Variants in KCNQ4 observed in about 807,000 individuals in gnomAD.
KCNQ4 encodes potassium voltage-gated channel subfamily KQT member 4.
Under a neutral mutation model 72.6 loss-of-function variants are expected in KCNQ4, and 31 were observed. The observed-to-expected ratio is 0.43, with a 90% CI of 0.32 to 0.58. The LOEUF is 0.58. Ranked by LOEUF, KCNQ4 falls within the 20% of genes least tolerant of loss-of-function variation. KCNQ4 has a pLI of 0.08. For missense variants in KCNQ4, 869 were observed against 962.6 expected, an observed-to-expected ratio of 0.90 and a Z score of 1.29; for synonymous variants, 405 against 403.7, an observed-to-expected ratio of 1.00 and a Z score of -0.04.
chr1:40,818,373 C>G, intron 3 of KCNQ4, 83 bp downstream of exon 3: 2 of 1,596,850 alleles, frequency 1.3e-6, no homozygotes, highest in Non-Finnish European at 1.7e-6. Context: ...GACTCTGACC[C>G]TGGAGACCCG....
At chr1:40,837,617 G>A (rs780907049) in intron 12 of KCNQ4, 48 bp from the exon 13 acceptor site, 42 of 1,594,656 alleles carry the variant, frequency 2.6e-5, no homozygotes, top group Admixed American at 7.0e-5. Context: ...CTTGTGGAAG[G>A]GAGGGACGGC....
At position 40,817,957 on chromosome 1, in the gene KCNQ4, G is replaced by T. The variant is rs920335247; in HGVS notation, c.406-207G>T. ...CGATCAGTTCATGGGGACCGGAAGG[G>T]GAGGACACACTAGGGCTTTTAGTCT... On this transcript the variant is annotated intron_variant, in intron 2 of 13. Coordinates refer to ENST00000347132, the MANE Select transcript of KCNQ4 (RefSeq NM_004700.4). The surrounding 1 kb of genome is among the most constrained non-coding windows in gnomAD (Gnocchi z 5.5). Among the ~76,000 whole-genome samples, 1 of 152,176 alleles carries T rather than the reference G, an allele frequency of 6.6e-6. No homozygotes were observed. The highest frequency in any genetic ancestry group is 2.4e-5 in the African/African-American group (1 of 41,426).
intron 1 of KCNQ4, among the ~76,000 whole-genome samples, chr1:40,806,459 G>T (rs1309465350): frequency 6.6e-6 from 1 of 152,228 alleles, no homozygotes. Flanking sequence ...CAGGTAGGCA[G>T]GCTGGCACGG....
chr1:40,814,046 C>CTTTTTTTTTTTTTTTTT, intron 1 of KCNQ4, among the ~76,000 whole-genome samples: 1 of 52,708 alleles, frequency 1.9e-5, no homozygotes, highest in Non-Finnish European at 3.3e-5. Flanking sequence ...TGCGCCCGGC[C>CTTTTTTTTTTTTTTTTT]TTTTTTTTTT....
In KCNQ4 at chr1:40,784,454, G is replaced by C; in HGVS notation, c.314+47G>C. ...CTTCCGCGTTTCCCCGCGCAAGCCT[G>C]GCCTCCCGGGGCACGGCCGCCCCGC... is the stretch of plus-strand genomic sequence containing the variant. On this transcript the variant is annotated intron_variant, in intron 1 of 13. Coordinates refer to ENST00000347132, the MANE Select transcript of KCNQ4 (RefSeq NM_004700.4). This position sits in a 1 kb window ranked among gnomAD's most constrained non-coding sequence, Gnocchi z 4.1. 1 of 1,574,514 alleles carries C rather than the reference G, an allele frequency of 6.4e-7. No individual in the cohort carries two copies. The highest frequency in any genetic ancestry group is 8.7e-7 in the Non-Finnish European group (1 of 1,156,028).
intron 10 of KCNQ4, among the ~76,000 whole-genome samples, chr1:40,832,250 C>A (rs548549691): frequency 1.3e-5 from 2 of 152,316 alleles, no homozygotes; most frequent in Admixed American, 1.3e-4. Flanking sequence ...GACAGCTCCC[C>A]CTTTGGCCTT....
At chr1:40,815,739 G>A (rs1255875659) in intron 1 of KCNQ4, among the ~76,000 whole-genome samples, 1 of 152,146 alleles carries the variant, frequency 6.6e-6, no homozygotes, top group Non-Finnish European at 1.5e-5. Context: ...CCCTGTCCAG[G>A]AGGTGTAAGT....
At chr1:40,787,793 T>G (rs1164730773) in intron 1 of KCNQ4, among the ~76,000 whole-genome samples, 1 of 152,202 alleles carries the variant, frequency 6.6e-6, no homozygotes, top group African/African-American at 2.4e-5. Context: ...CCCATCCTGC[T>G]CGCTGAGCCC....
At chr1:40,802,853 C>T (rs74927591) in intron 1 of KCNQ4, among the ~76,000 whole-genome samples, 16,215 of 152,190 alleles carry the variant, frequency 0.11, 1,527 homozygotes, top group East Asian at 0.48. Context: ...ATTAGAAAGA[C>T]GAAGAAACTG....
chr1:40,818,744 G>A, intron 4 of KCNQ4, 64 bp downstream of exon 4: 3 of 1,510,484 alleles, frequency 2.0e-6, no homozygotes, highest in East Asian at 4.9e-5. Context: ...AGAGCGGGCA[G>A]GGCGGAGAGG....
At chr1:40,800,421 A>G (rs1647538959) in intron 1 of KCNQ4, among the ~76,000 whole-genome samples, 1 of 152,218 alleles carries the variant, frequency 6.6e-6, no homozygotes, top group Admixed American at 6.5e-5. Flanking sequence ...ATTTTATTTA[A>G]AAGTTTGTTA....
chr1:40,814,324 G>A (rs898620901), intron 1 of KCNQ4, among the ~76,000 whole-genome samples: 7 of 152,080 alleles, frequency 4.6e-5, no homozygotes, highest in African/African-American at 9.7e-5. Flanking sequence ...AAAGTGCTGG[G>A]ATTACAGGCA....
Position 40,794,864 on chromosome 1 carries a change from AG to A in KCNQ4, c.314+10460del, listed in dbSNP as rs1647363535. Reference sequence around the variant, plus strand: ...CCCCACTGAGCTGTGGAGCCAGAAGAGGGAGGGGTCTGGTAGGGACAGAGGG... The same window carrying A: ...CCCCACTGAGCTGTGGAGCCAGAAGAGGAGGGGTCTGGTAGGGACAGAGGG... On this transcript the variant is annotated intron_variant, in intron 1 of 13. Coordinates refer to ENST00000347132, the MANE Select transcript of KCNQ4 (RefSeq NM_004700.4). The surrounding 1 kb of genome is among the most constrained non-coding windows in gnomAD (Gnocchi z 4.2). Among the ~76,000 whole-genome samples the A allele has an allele frequency of 6.7e-6, 1 of 149,168 alleles. No homozygotes were observed. Among genetic ancestry groups the A allele is most frequent in the African/African-American group, 2.5e-5 (1 of 40,564 alleles).
At position 40,838,917 on chromosome 1, in the gene KCNQ4, C is replaced by T. The variant is rs1341640193; in HGVS notation, c.*394C>T. On this transcript the variant is annotated 3_prime_UTR_variant, in exon 14 of 14. Transcript: ENST00000347132. ...AAGGTGAGGTCTCTGGCCCACCCTT[C>T]GGACACAGCAGGGAAGCCCTCCCGC... The T allele has an allele frequency of 6.1e-6, 2 of 328,882 alleles. No homozygotes were observed. The highest frequency in any genetic ancestry group is 1.2e-5 in the Non-Finnish European group (2 of 170,186). 20.4% of individuals were successfully genotyped at this position (328,882 alleles called of 1,614,324 possible).
At chr1:40,832,823 C>G (rs1008754852) in intron 10 of KCNQ4, among the ~76,000 whole-genome samples, 191 bp from the exon 11 acceptor site, 8 of 152,100 alleles carry the variant, frequency 5.3e-5, no homozygotes, top group South Asian at 2.1e-4. Context: ...GGCAGATGGG[C>G]ATGCAACACA....
At position 40,819,127 on chromosome 1, in the gene KCNQ4, GGGGTGA is replaced by G. The variant is rs1454915372; in HGVS notation, c.709-214_709-209del. On this transcript the variant is annotated intron_variant, in intron 4 of 13. Coordinates refer to ENST00000347132, the MANE Select transcript of KCNQ4 (RefSeq NM_004700.4). ...TGGAACCTGGAGACTCAAGGCAGGCGGGGTGAGGGTGGGGGTGGGAATGGGGGTCGG... is the reference window on the plus strand; with the variant it reads ...TGGAACCTGGAGACTCAAGGCAGGCGGGGTGGGGGTGGGAATGGGGGTCGG... The G allele has an allele frequency of 5.3e-6, 3 of 561,332 alleles. No individual in the cohort carries two copies. In the African/African-American group the frequency reaches 5.8e-5, roughly 11 times the overall value. 34.8% of individuals were successfully genotyped at this position (561,332 alleles called of 1,614,324 possible). A position where few individuals can be genotyped will look rare whatever the true frequency, so the allele number is the denominator to read the frequency against.
intron 1 of KCNQ4, among the ~76,000 whole-genome samples, chr1:40,806,582 G>A (rs970941838): frequency 3.9e-5 from 6 of 152,208 alleles, no homozygotes; most frequent in East Asian, 3.8e-4. Context: ...TTCATGTCCC[G>A]TGGGACAGAA....
chr1:40,825,123 G>T (rs1648437244), intron 9 of KCNQ4, among the ~76,000 whole-genome samples: 1 of 152,192 alleles, frequency 6.6e-6, no homozygotes. Context: ...TTGAGGTCAG[G>T]GGTTAAATCC....
chr1:40,809,538 C>T (rs533223463), intron 1 of KCNQ4, among the ~76,000 whole-genome samples: 24 of 152,334 alleles, frequency 1.6e-4, no homozygotes, highest in African/African-American at 5.5e-4. Context: ...TGTTCTCCTT[C>T]CTAGTTCCCG....
Sources: allele counts gnomAD v4.1 joint callset (sites outside exome capture counted in the v4.1 genomes callset), GRCh38; gene constraint gnomAD v4.1.1; non-coding constraint Gnocchi (gnomAD v3.1); transcripts MANE v1.5; gene names NCBI Gene and HGNC (gene_info 2026-07-23, HGNC 2026-07-21).